The following WNT7A variants were observed in gnomAD, a reference collection of about 807,000 sequenced individuals.
WNT7A encodes Wnt family member 7A.
A neutral mutation model predicts 28.2 loss-of-function variants in WNT7A; 16 were observed. That is an observed-to-expected ratio of 0.57 (90% confidence interval 0.38 to 0.86). The LOEUF is 0.86. Among genes scored for constraint, WNT7A ranks in the 40% least tolerant of loss-of-function variants. The pLI, the probability that WNT7A is intolerant of heterozygous loss-of-function variation, is 0.00. For synonymous variants in WNT7A, 190 were observed against 195.9 expected, an observed-to-expected ratio of 0.97 and a Z score of 0.25; for missense variants, 411 against 489.7, an observed-to-expected ratio of 0.84 and a Z score of 1.52.
At chr3:13,868,488 G>A (rs60718855) in intron 2 of WNT7A, among the ~76,000 whole-genome samples, 76,943 of 114,488 alleles carry the variant, frequency 0.67, 23,035 homozygotes, top group East Asian at 0.94. Context: ...AGGAAAGAAC[G>A]AAAGAAAGAA....
chr3:13,868,690 G>GAAAGAAAGAAAA (rs1553576785), intron 2 of WNT7A, among the ~76,000 whole-genome samples: 1 of 19,752 alleles, frequency 5.1e-5, no homozygotes, highest in African/African-American at 1.9e-4. Flanking sequence ...GAGAGAGAGA[G>GAAAGAAAGAAAA]AGAAAGAAAG....
intron 3 of WNT7A, among the ~76,000 whole-genome samples, chr3:13,835,592 C>T (rs1489092902): frequency 3.3e-5 from 5 of 152,246 alleles, no homozygotes; most frequent in Admixed American, 2.6e-4. Flanking sequence ...AGACCCTTCT[C>T]TCTTGGCCAG....
Position 13,819,335 on chromosome 3 carries a change from T to C in WNT7A, c.659A>G (p.Gln220Arg). Reference protein sequence around the residue: ...TTKTCWTTLPQFRELGYVLKD... With the variant: ...TTKTCWTTLPRFRELGYVLKD... Reference sequence around the variant, plus strand: ...GAGCACGTAGCCCAGCTCCCGAAACTGTGGCAGTGTGGTCCAGCACGTCTT... The same window carrying C: ...GAGCACGTAGCCCAGCTCCCGAAACCGTGGCAGTGTGGTCCAGCACGTCTT... The change falls in exon 4 of 4, where the codon CAG becomes CGG. Residue 220 changes from glutamine to arginine, a missense_variant. By Grantham distance (43) the Gln-to-Arg change is conservative. Coordinates refer to ENST00000285018, the MANE Select transcript of WNT7A (RefSeq NM_004625.4). 4 of 1,613,126 alleles carry C rather than the reference T, an allele frequency of 2.5e-6. No homozygotes were observed. Among genetic ancestry groups the C allele is most frequent in the Middle Eastern group, 1.7e-4 (1 of 6,056 alleles).
intron 2 of WNT7A, among the ~76,000 whole-genome samples, chr3:13,866,586 C>T (rs1007661214): frequency 7.2e-5 from 11 of 152,186 alleles, no homozygotes; most frequent in Non-Finnish European, 1.6e-4. Context: ...AAGGCTTCTC[C>T]GAGGGGCTGA....
chr3:13,867,515 C>T (rs1694929820), intron 2 of WNT7A, among the ~76,000 whole-genome samples: 1 of 152,208 alleles, frequency 6.6e-6, no homozygotes, highest in African/African-American at 2.4e-5. Flanking sequence ...GGTGGACACA[C>T]TTTCTTTCAA....
At chr3:13,874,875 A>AG in intron 2 of WNT7A, 72 bp downstream of exon 2, 1 of 1,495,474 alleles carries the variant, frequency 6.7e-7, no homozygotes, top group South Asian at 1.2e-5. Context: ...GGAGTTCCAG[A>AG]GGGCACCTGA....
In WNT7A at chr3:13,878,727, G is replaced by A. The variant is rs890537741; in HGVS notation, c.71+1019C>T. 2.6e-5 allele frequency among the ~76,000 whole-genome samples: 4 copies of A among 152,314 alleles called. No individual in the cohort carries two copies. The South Asian group carries it at 6.2e-4, about 24-fold the overall frequency. On this transcript the variant is annotated intron_variant, in intron 1 of 3. Coordinates refer to ENST00000285018, the MANE Select transcript of WNT7A (RefSeq NM_004625.4). ...ACCCCTCCTCAAAAGGGATGGTAAT[G>A]GGTTCACTGCTGGGGGCTGGAGGGG...
At chr3:13,855,191 G>A (rs1457616251) in intron 2 of WNT7A, among the ~76,000 whole-genome samples, 5 of 152,200 alleles carry the variant, frequency 3.3e-5, no homozygotes, top group Non-Finnish European at 2.9e-5. Flanking sequence ...GTAAAGCAGC[G>A]TTTCCCCAAC....
intron 2 of WNT7A, among the ~76,000 whole-genome samples, chr3:13,857,323 C>G (rs533070455): frequency 6.6e-6 from 1 of 152,262 alleles, no homozygotes; most frequent in Admixed American, 6.5e-5. Flanking sequence ...GTCAGGAGAC[C>G]AGGCTTTGAG....
At chr3:13,867,947 G>A (rs912427355) in intron 2 of WNT7A, among the ~76,000 whole-genome samples, 6 of 152,190 alleles carry the variant, frequency 3.9e-5, no homozygotes, top group African/African-American at 1.4e-4. Flanking sequence ...TCCCAGTGTT[G>A]GAGCTGTGCT....
chr3:13,837,283 G>T (rs1694385569), intron 3 of WNT7A, among the ~76,000 whole-genome samples: 1 of 151,924 alleles, frequency 6.6e-6, no homozygotes, highest in African/African-American at 2.4e-5. Flanking sequence ...CCTTCCTCCA[G>T]TTCCTCAGCT....
At chr3:13,867,199 T>C (rs1424263032) in intron 2 of WNT7A, among the ~76,000 whole-genome samples, 4 of 152,126 alleles carry the variant, frequency 2.6e-5, no homozygotes, top group Middle Eastern at 3.4e-3. Context: ...GCTCCCCCAT[T>C]CTGCAGACTG....
intron 3 of WNT7A, among the ~76,000 whole-genome samples, chr3:13,831,341 C>T (rs1267565404): frequency 6.6e-6 from 1 of 152,216 alleles, no homozygotes; most frequent in Non-Finnish European, 1.5e-5. Flanking sequence ...CAGCCCATTT[C>T]ACAGATGAGC....
intron 2 of WNT7A, among the ~76,000 whole-genome samples, chr3:13,862,919 T>C (rs1347510495): frequency 6.6e-6 from 1 of 152,214 alleles, no homozygotes; most frequent in Non-Finnish European, 1.5e-5. Flanking sequence ...GGGCAGTGAA[T>C]GTAGCCCAGG....
At chr3:13,847,361 G>C (rs1035920367) in intron 3 of WNT7A, among the ~76,000 whole-genome samples, 1 of 152,204 alleles carries the variant, frequency 6.6e-6, no homozygotes, top group South Asian at 2.1e-4. Context: ...TCTAGGGAGC[G>C]GAAGGGAGGT....
chr3:13,826,672 G>A (rs1259348493), intron 3 of WNT7A, among the ~76,000 whole-genome samples: 11 of 152,152 alleles, frequency 7.2e-5, no homozygotes, highest in African/African-American at 2.7e-4. Context: ...TGAGTGCAGG[G>A]CCAGGCAGAC....
At chr3:13,824,619 C>G (rs933705120) in intron 3 of WNT7A, among the ~76,000 whole-genome samples, 10 of 152,196 alleles carry the variant, frequency 6.6e-5, no homozygotes, top group Non-Finnish European at 1.0e-4. Flanking sequence ...AGGGCCGAGC[C>G]GAGCCCCACC....
chr3:13,832,487 T>A (rs996758246), intron 3 of WNT7A, among the ~76,000 whole-genome samples: 3 of 151,158 alleles, frequency 2.0e-5, no homozygotes, highest in African/African-American at 4.9e-5. Context: ...CTCCTCCCCC[T>A]CCTCAGGCTC....
chr3:13,847,337 C>T (rs903256813), intron 3 of WNT7A, among the ~76,000 whole-genome samples: 2 of 152,324 alleles, frequency 1.3e-5, no homozygotes, highest in African/African-American at 2.4e-5. Flanking sequence ...CTCAGCTCCC[C>T]GACCCTGGCC....
Sources: gnomAD v4.1 joint callset for allele counts (sites outside exome capture counted in the v4.1 genomes callset) on GRCh38, gnomAD v4.1.1 for gene constraint, MANE v1.5 for transcripts, NCBI Gene and HGNC (gene_info 2026-07-23, HGNC 2026-07-21) for gene names.